ITGA2: variants seen among roughly 807,000 people sequenced by gnomAD.
The protein encoded by ITGA2 is integrin alpha-2.
ITGA2 carries 101 observed loss-of-function variants against 146.3 expected under a neutral mutation model. The ratio of observed to expected loss-of-function variants is 0.69; its 90% CI spans 0.59 to 0.81. The LOEUF (loss-of-function observed/expected upper bound fraction) is 0.81, where lower values mean the gene tolerates loss of function less well. Among genes scored for constraint, ITGA2 ranks in the 40% least tolerant of loss-of-function variants. The pLI, the probability that ITGA2 is intolerant of heterozygous loss-of-function variation, is 0.00. For missense variants in ITGA2, 1,281 were observed against 1,402.7 expected, an observed-to-expected ratio of 0.91 and a Z score of 1.39; for synonymous variants, 477 against 487.1, an observed-to-expected ratio of 0.98 and a Z score of 0.27.
At chr5:53,078,578 G>A (rs1030282546) in intron 23 of ITGA2, among the ~76,000 whole-genome samples, 194 bp from the exon 24 acceptor site, 1 of 152,220 alleles carries the variant, frequency 6.6e-6, no homozygotes, top group South Asian at 2.1e-4. Context: ...GTTTTCAAAG[G>A]AATTTATGTT....
rs745387924 is a variant in ITGA2 at position 52,989,489 on chromosome 5, G to GGCC, written c.24_26dup (p.Ala9dup). The GGCC allele has an allele frequency of 1.2e-6, 2 of 1,613,854 alleles. No homozygotes were observed. Among genetic ancestry groups the GGCC allele is most frequent in the East Asian group, 4.5e-5 (2 of 44,854 alleles). ...CCAGGATGGGGCCAGAACGGACAGG[G>GGCC]GCCGCGCCGCTGCCGCTGCTGCTGG... On this transcript the variant is annotated inframe_insertion, in exon 1 of 30. Coordinates refer to ENST00000296585, the MANE Select transcript of ITGA2 (RefSeq NM_002203.4).
intron 27 of ITGA2, among the ~76,000 whole-genome samples, chr5:53,083,882 A>G (rs1350878706): frequency 6.6e-6 from 1 of 152,178 alleles, no homozygotes; most frequent in Non-Finnish European, 1.5e-5. Flanking sequence ...TGTATGATTG[A>G]TCTCAAACCA....
rs1384995108 is a variant in ITGA2, at chr5:53,080,533, T to C, written c.2951T>C (p.Val984Ala). 3 of 1,613,424 alleles carry C rather than the reference T, an allele frequency of 1.9e-6. No individual in the cohort carries two copies. The highest frequency in any genetic ancestry group is 2.5e-6 in the Non-Finnish European group (3 of 1,179,622). The change falls in exon 25 of 30, where the codon GTA becomes GCA. Residue 984 changes from valine to alanine, a missense_variant. This residue lies in a region of ITGA2 where 475 missense variants were observed against 530.5 expected (regional missense o/e 0.90). Coordinates refer to ENST00000296585, the MANE Select transcript of ITGA2 (RefSeq NM_002203.4). ...SLKVTTGSVP[V>A]SMATVIIHIP... The stretch of plus-strand genomic sequence containing the variant: ...TAGGTAACAACAGGAAGTGTTCCAG[T>C]AAGCATGGCAACTGTAATCATCCAC...
intron 1 of ITGA2, among the ~76,000 whole-genome samples, chr5:53,004,759 C>T (rs1741742745): frequency 6.6e-6 from 1 of 151,976 alleles, no homozygotes. Flanking sequence ...TGTAAGGGTC[C>T]TTTTGTGCTT....
intron 1 of ITGA2, among the ~76,000 whole-genome samples, chr5:52,992,678 T>G (rs1248607624): frequency 1.3e-5 from 2 of 152,148 alleles, no homozygotes; most frequent in African/African-American, 4.8e-5. Context: ...TTAAACTGGA[T>G]TTTCTTTTCT....
At chr5:53,074,535 T>C in intron 21 of ITGA2, 58 bp downstream of exon 21, 1 of 1,252,626 alleles carries the variant, frequency 8.0e-7, no homozygotes, top group South Asian at 1.2e-5. Flanking sequence ...CATATGCTAA[T>C]TTACCAACAT....
At chr5:53,086,456 G>A (rs1360848317) in intron 27 of ITGA2, among the ~76,000 whole-genome samples, 1 of 152,116 alleles carries the variant, frequency 6.6e-6, no homozygotes, top group Non-Finnish European at 1.5e-5. Context: ...TTACACACAT[G>A]TACCCAGAAG....
chr5:53,013,371 TTTC>T (rs1364322146), intron 1 of ITGA2, among the ~76,000 whole-genome samples: 12 of 147,746 alleles, frequency 8.1e-5, no homozygotes, highest in African/African-American at 2.6e-4. Context: ...TCCCTATTTC[TTTC>T]TTTTTTTTTT....
At chr5:53,087,384 TCTC>T (rs1339198310) in intron 28 of ITGA2, among the ~76,000 whole-genome samples, 1 of 152,096 alleles carries the variant, frequency 6.6e-6, no homozygotes, top group African/African-American at 2.4e-5. Context: ...GTTCTTCCTT[TCTC>T]CTCCTGCTTA....
rs1280012366 is a variant in ITGA2, at chr5:53,093,467, GCCCT to G, written c.*2869_*2872del. On this transcript the variant is annotated 3_prime_UTR_variant, in exon 30 of 30. Transcript: ENST00000296585. ...CTGTCCTGTACCTTGTAGGACAGCA[GCCCT>G]GTCCTAGAAGGTATGTTTAGCAGCA... 6.6e-6 allele frequency: 1 copy of G among 152,330 alleles called. No homozygotes were observed. Among genetic ancestry groups the G allele is most frequent in the South Asian group, 2.1e-4 (1 of 4,832 alleles). 9.4% of individuals were successfully genotyped at this position (152,330 alleles called of 1,614,324 possible). A position where few individuals can be genotyped will look rare whatever the true frequency, so the allele number is the denominator to read the frequency against.
intron 7 of ITGA2, among the ~76,000 whole-genome samples, chr5:53,055,288 T>C (rs1309094316): frequency 6.6e-6 from 1 of 152,142 alleles, no homozygotes. Flanking sequence ...CTGGGATAAA[T>C]ACATGCACAC....
intron 24 of ITGA2, 121 bp from the exon 25 acceptor site, chr5:53,080,390 T>G: frequency 2.5e-6 from 2 of 786,060 alleles, no homozygotes; most frequent in Non-Finnish European, 4.5e-6. Context: ...AATGGCTGAC[T>G]TTCATTTGGA....
chr5:53,062,762 GTT>G (rs1402886486), intron 12 of ITGA2, 22 bp from the exon 13 acceptor site: 1 of 1,607,912 alleles, frequency 6.2e-7, no homozygotes, highest in African/African-American at 1.3e-5. Flanking sequence ...GGAATTCTAA[GTT>G]TAACATGTTT....
chr5:53,035,442 G>A (rs936403695), intron 2 of ITGA2, among the ~76,000 whole-genome samples: 2 of 152,160 alleles, frequency 1.3e-5, no homozygotes, highest in Admixed American at 6.5e-5. Context: ...ACTCTTTATC[G>A]TGAAACGGAA....
rs755310747 is a variant in ITGA2 at position 53,060,026 on chromosome 5, A to G, written c.1312+14A>G. The stretch of plus-strand genomic sequence containing the variant: ...GTTCATATTTAGGTAAGGCATGGTA[A>G]TAATTGGCTCAGCAAACTTAAGTTC... On this transcript the variant is annotated intron_variant, in intron 11 of 29. Coordinates refer to ENST00000296585, the MANE Select transcript of ITGA2 (RefSeq NM_002203.4). 6.2e-7 allele frequency: 1 copy of G among 1,611,652 alleles called. No individual in the cohort carries two copies. Among genetic ancestry groups the G allele is most frequent in the South Asian group, 1.1e-5 (1 of 91,042 alleles).
intron 24 of ITGA2, among the ~76,000 whole-genome samples, chr5:53,079,595 G>A (rs1033298751): frequency 2.0e-5 from 3 of 151,924 alleles, no homozygotes; most frequent in African/African-American, 7.2e-5. Flanking sequence ...TTTTATTTTT[G>A]TTCATTTCTC....
chr5:53,059,815 G>T lies in ITGA2; in HGVS notation c.1174-59G>T, dbSNP rs556350207. The T allele has an allele frequency of 9.9e-5, 149 of 1,511,142 alleles. No individual in the cohort carries two copies. The African/African-American group carries it at 1.8e-3, about 18-fold the overall frequency. The allele number at this position is 1,511,142 out of a possible 1,614,324, so 93.6% of individuals were successfully genotyped here. On this transcript the variant is annotated intron_variant, in intron 10 of 29. Transcript: ENST00000296585. ...CTTATTTCAATGTTTTGCCTACCCT[G>T]CATTCTTATGTTTTAAAGGTGATTT...
At chr5:53,004,901 T>G (rs910282317) in intron 1 of ITGA2, among the ~76,000 whole-genome samples, 462 of 16,226 alleles carry the variant, frequency 0.028, no homozygotes, top group African/African-American at 0.05. Flanking sequence ...TTTGTTTTTT[T>G]TTTTTTTTTT....
chr5:53,083,251 T>C (rs1746011704), intron 26 of ITGA2, 89 bp from the exon 27 acceptor site: 1 of 805,038 alleles, frequency 1.2e-6, no homozygotes, highest in East Asian at 2.6e-5. Flanking sequence ...GTCCCAGCAC[T>C]GAGTTTTATC....
Sources: allele counts gnomAD v4.1 joint callset (sites outside exome capture counted in the v4.1 genomes callset), GRCh38; gene constraint gnomAD v4.1.1; regional missense constraint gnomAD v4.1.1; transcripts MANE v1.5; gene names NCBI Gene and HGNC (gene_info 2026-07-23, HGNC 2026-07-21).